RIMS2: variants seen among roughly 807,000 people sequenced by gnomAD.
RIMS2 encodes regulating synaptic membrane exocytosis protein 2.
RIMS2 carries 59 observed loss-of-function variants against 174.4 expected under a neutral mutation model. The observed-to-expected ratio is 0.34, with a 90% CI of 0.27 to 0.42. The LOEUF is 0.42. RIMS2 is among the 10% of genes least tolerant of loss of function. The pLI, the probability that RIMS2 is intolerant of heterozygous loss-of-function variation, is 1.00. For missense variants in RIMS2, 1,620 were observed against 1,666.3 expected, an observed-to-expected ratio of 0.97 and a Z score of 0.48; for synonymous variants, 606 against 572.5, an observed-to-expected ratio of 1.06 and a Z score of -0.84.
At chr8:103,642,198 G>A (rs577248815) in intron 1 of RIMS2, among the ~76,000 whole-genome samples, 7 of 151,398 alleles carry the variant, frequency 4.6e-5, no homozygotes, top group Admixed American at 3.9e-4. Flanking sequence ...TTCTCTCTTA[G>A]CATATCAATT....
chr8:103,701,032 G>T (rs1055713650), intron 2 of RIMS2, among the ~76,000 whole-genome samples: 4 of 151,864 alleles, frequency 2.6e-5, no homozygotes, highest in Admixed American at 6.6e-5. Context: ...TTTTTGAAAA[G>T]ATCTATATTT....
intron 19 of RIMS2, among the ~76,000 whole-genome samples, chr8:104,031,894 G>C (rs573296185): frequency 3.9e-5 from 6 of 152,122 alleles, no homozygotes; most frequent in African/African-American, 1.4e-4. Context: ...TTGATAGTGT[G>C]TAGATTCCAT....
At chr8:103,590,879 G>C (rs1190377847) in intron 1 of RIMS2, among the ~76,000 whole-genome samples, 2 of 151,030 alleles carry the variant, frequency 1.3e-5, no homozygotes, top group African/African-American at 4.8e-5. Flanking sequence ...GTAGACATAT[G>C]TTTTCATTAC....
intron 1 of RIMS2, among the ~76,000 whole-genome samples, chr8:103,638,954 G>T (rs765467914): frequency 1.3e-5 from 2 of 151,786 alleles, no homozygotes; most frequent in African/African-American, 2.4e-5. Context: ...GCGTGATTTT[G>T]TACTGATATG....
chr8:103,897,848 A>AT lies in RIMS2; in HGVS notation c.1624+11626dup, dbSNP rs368951875. Among the ~76,000 whole-genome samples, 517 of 151,666 alleles carry AT rather than the reference A, an allele frequency of 3.4e-3. 18 individuals are homozygous for AT. Among genetic ancestry groups the AT allele is most frequent in the African/African-American group, 0.012 (492 of 41,060 alleles). On this transcript the variant is annotated intron_variant, in intron 4 of 23. Coordinates refer to ENST00000504942, the Ensembl canonical transcript of RIMS2. ...TGCTTTTAATACCATATAGTTTGTT[A>AT]TATCATGTGGCCCAAGTGGCAGGGT...
intron 19 of RIMS2, among the ~76,000 whole-genome samples, chr8:104,066,075 G>A (rs887412037): frequency 5.9e-5 from 9 of 152,108 alleles, no homozygotes; most frequent in Non-Finnish European, 8.8e-5. Flanking sequence ...TGCCTGTTTT[G>A]TAAACAAAGT....
chr8:103,716,102 A>G (rs971840483), intron 2 of RIMS2, among the ~76,000 whole-genome samples: 3 of 151,870 alleles, frequency 2.0e-5, no homozygotes, highest in Admixed American at 1.3e-4. Context: ...ATTGAATGAA[A>G]TGTATGGAAA....
chr8:103,543,455 C>T lies in RIMS2; in HGVS notation c.176+42393C>T, dbSNP rs535131336. On this transcript the variant is annotated intron_variant, in intron 1 of 23. Transcript: ENST00000504942. ...ACTACTCAAAACTATAGATTTAATG[C>T]AATCCCTATGAAAATTCCATGATAT... Among the ~76,000 whole-genome samples, 3 of 152,206 alleles carry T rather than the reference C, an allele frequency of 2.0e-5. No individual in the cohort carries two copies. In the South Asian group the frequency reaches 6.2e-4, roughly 32 times the overall value.
intron 19 of RIMS2, chr8:104,093,579 C>T (rs1468519050): frequency 5.6e-6 from 9 of 1,597,286 alleles, no homozygotes; most frequent in East Asian, 4.5e-5. Context: ...TAGTGCTTCT[C>T]GTTTCAGCAG....
intron 19 of RIMS2, among the ~76,000 whole-genome samples, chr8:104,018,979 G>A (rs1249616629): frequency 6.6e-6 from 1 of 151,916 alleles, no homozygotes; most frequent in East Asian, 1.9e-4. Context: ...TTCTTGAAAG[G>A]ATTTTAAAAC....
At position 103,554,770 on chromosome 8, in the gene RIMS2, T is replaced by G. The variant is rs573718996; in HGVS notation, c.176+53708T>G. Among the ~76,000 whole-genome samples, 5 of 152,186 alleles carry G rather than the reference T, an allele frequency of 3.3e-5. No homozygotes were observed. The South Asian group carries it at 6.2e-4, about 19-fold the overall frequency. The stretch of plus-strand genomic sequence containing the variant: ...TGCAGCACTACTCTCAATAGTAAAG[T>G]CATGGAATCAGTCCAGATATCTATC... On this transcript the variant is annotated intron_variant, in intron 1 of 23. Coordinates refer to ENST00000504942, the Ensembl canonical transcript of RIMS2.
At chr8:104,108,394 A>C (rs11986611) in intron 19 of RIMS2, among the ~76,000 whole-genome samples, 35,503 of 151,808 alleles carry the variant, frequency 0.23, 4,463 homozygotes, top group African/African-American at 0.33. Context: ...TTGGCTCAAG[A>C]GATCTTCCTG....
At chr8:104,227,272 T>G (rs1261985173) in intron 19 of RIMS2, among the ~76,000 whole-genome samples, 4 of 148,710 alleles carry the variant, frequency 2.7e-5, no homozygotes, top group African/African-American at 7.5e-5. Flanking sequence ...TCTCCAAATC[T>G]CTGAGGTTTT....
At chr8:103,838,705 A>G (rs556186734) in intron 3 of RIMS2, among the ~76,000 whole-genome samples, 1 of 152,220 alleles carries the variant, frequency 6.6e-6, no homozygotes, top group East Asian at 1.9e-4. Flanking sequence ...ATTCCATTCT[A>G]CTGTTAATCA....
chr8:103,961,274 T>G, intron 15 of RIMS2, 141 bp downstream of exon 17: 1 of 581,616 alleles, frequency 1.7e-6, no homozygotes, highest in African/African-American at 1.9e-5. Context: ...CTATGACAAC[T>G]TAAACCCCTG....
At chr8:103,612,626 T>G (rs2095409218) in intron 1 of RIMS2, among the ~76,000 whole-genome samples, 1 of 152,196 alleles carries the variant, frequency 6.6e-6, no homozygotes, top group Non-Finnish European at 1.5e-5. Context: ...TCACCCAGGC[T>G]GGAGTGCAAT....
At chr8:103,537,891 C>T (rs1179046023) in intron 1 of RIMS2, among the ~76,000 whole-genome samples, 3 of 151,808 alleles carry the variant, frequency 2.0e-5, no homozygotes, top group Non-Finnish European at 4.4e-5. Flanking sequence ...TACCAATATA[C>T]AGTAATCCTG....
At chr8:104,065,332 G>T (rs1348669007) in intron 19 of RIMS2, among the ~76,000 whole-genome samples, 1 of 151,966 alleles carries the variant, frequency 6.6e-6, no homozygotes, top group Non-Finnish European at 1.5e-5. Context: ...CTAGTGAACA[G>T]CCCTTCTATT....
At chr8:104,073,128 G>C (rs1176259127) in intron 19 of RIMS2, among the ~76,000 whole-genome samples, 1 of 152,028 alleles carries the variant, frequency 6.6e-6, no homozygotes, top group Non-Finnish European at 1.5e-5. Flanking sequence ...AAGTTTAACA[G>C]TGTAAATTAT....
Sources: gnomAD v4.1 joint callset for allele counts (sites outside exome capture counted in the v4.1 genomes callset) on GRCh38, gnomAD v4.1.1 for gene constraint, MANE v1.5 for transcripts, NCBI Gene and HGNC (gene_info 2026-07-23, HGNC 2026-07-21) for gene names.